Variants in KIF22 observed in about 807,000 individuals in gnomAD.
The protein encoded by KIF22 is kinesin-like protein KIF22.
A neutral mutation model predicts 73.0 loss-of-function variants in KIF22; 62 were observed. That is an observed-to-expected ratio of 0.85 (90% CI 0.69 to 1.05). The LOEUF (loss-of-function observed/expected upper bound fraction) is 1.05. KIF22 is among the 50% of genes least tolerant of loss of function. The pLI, the probability that KIF22 is intolerant of heterozygous loss-of-function variation, is 0.00. For missense variants in KIF22, 854 were observed against 870.1 expected, an observed-to-expected ratio of 0.98 and a Z score of 0.23; for synonymous variants, 411 against 340.1, an observed-to-expected ratio of 1.21 and a Z score of -2.29.
rs766761438 is a variant in KIF22 at position 29,799,040 on chromosome 16, C to G, written c.615C>G (p.Ile205Met). The G allele has an allele frequency of 1.9e-5, 31 of 1,614,210 alleles. 1 individual carries two copies. The South Asian group carries it at 3.3e-4, about 17-fold the overall frequency. The part of the protein sequence containing the change: ...LVIREDCRGN[I>M]LIPGLSQKPI... Reference sequence around the variant, plus strand: ...TCCGAGAAGACTGCCGGGGGAATATCCTGATTCCGGGTCTCTCCCAGAAGC... The same window carrying G: ...TCCGAGAAGACTGCCGGGGGAATATGCTGATTCCGGGTCTCTCCCAGAAGC... The change falls in exon 5 of 14, where the codon ATC becomes ATG. Residue 205 changes from isoleucine (I) to methionine (M), a missense_variant. Physicochemically the swap from Ile to Met is conservative, Grantham distance 10 (BLOSUM62 1). Around this residue, in one of 3 missense-constraint regions of KIF22, gnomAD observed 245 missense variants for 351.8 expected, o/e 0.70. Transcript: ENST00000160827.
intron 8 of KIF22, among the ~76,000 whole-genome samples, chr16:29,801,843 A>G (rs964207064): frequency 2.0e-5 from 3 of 152,212 alleles, no homozygotes; most frequent in African/African-American, 7.2e-5. Flanking sequence ...GAGCCAGTTC[A>G]CAGCATAGGA....
At chr16:29,804,207 C>T in intron 11 of KIF22, 142 bp downstream of exon 11, 1 of 708,806 alleles carries the variant, frequency 1.4e-6, no homozygotes, top group Non-Finnish European at 2.5e-6. Flanking sequence ...TTGCTTACCC[C>T]TGGAATGTGG....
At chr16:29,804,123 C>T (rs1350957673) in intron 11 of KIF22, 58 bp downstream of exon 11, 12 of 1,394,952 alleles carry the variant, frequency 8.6e-6, no homozygotes, top group Non-Finnish European at 1.2e-5. Context: ...GGGGAGTAGG[C>T]TCTAGGGGGA....
rs1222819548 is a variant in KIF22 at position 29,798,958 on chromosome 16, C to T, written c.550-17C>T. 1 of 1,612,476 alleles carries T rather than the reference C, an allele frequency of 6.2e-7. No individual in the cohort carries two copies. Among genetic ancestry groups the T allele is most frequent in the Admixed American group, 1.7e-5 (1 of 60,030 alleles). On this transcript the variant is annotated splice_polypyrimidine_tract_variant and intron_variant, in intron 4 of 13. Transcript: ENST00000160827. This position sits in a 1 kb window ranked among gnomAD's most constrained non-coding sequence, Gnocchi z 4.1. ...CTCTCTATGGAGAATTGCCCTTCCC[C>T]TTCACTGCTTACACAGGTATTAGAC... is the stretch of plus-strand genomic sequence containing the variant.
rs770629473 is a variant in KIF22 at position 29,805,374 on chromosome 16, T to G, written c.*64T>G. ...AACCCCGTGTTGTGTAAATACAGTT[T>G]TTGCTCCGGTGCTTCCGCCTGATTT... On this transcript the variant is annotated 3_prime_UTR_variant, in exon 14 of 14. Coordinates refer to ENST00000160827, the MANE Select transcript of KIF22 (RefSeq NM_007317.3). 55 of 1,540,212 alleles carry G rather than the reference T, an allele frequency of 3.6e-5. No individual in the cohort carries two copies. Among genetic ancestry groups the G allele is most frequent in the Non-Finnish European group, 4.7e-5 (53 of 1,125,032 alleles).
chr16:29,805,361 T>C lies in KIF22; in HGVS notation c.*51T>C. The C allele has an allele frequency of 7.6e-6, 12 of 1,579,476 alleles. No individual in the cohort carries two copies. Among genetic ancestry groups the C allele is most frequent in the Non-Finnish European group, 1.0e-5 (12 of 1,157,140 alleles). ...CAAATTTTTGTATAACCCCGTGTTG[T>C]GTAAATACAGTTTTTGCTCCGGTGC... On this transcript the variant is annotated 3_prime_UTR_variant, in exon 14 of 14. Coordinates refer to ENST00000160827, the MANE Select transcript of KIF22 (RefSeq NM_007317.3).
At chr16:29,803,251 G>C (rs1055318044) in intron 9 of KIF22, 198 bp from the exon 10 acceptor site, 6 of 649,334 alleles carry the variant, frequency 9.2e-6, no homozygotes, top group African/African-American at 7.3e-5. Context: ...GCAGAGGCTT[G>C]TTCCACCTCT....
rs1214966657 is a variant in KIF22 at position 29,805,269 on chromosome 16, A to G, written c.1957A>G (p.Ile653Val). 5 of 1,613,898 alleles carry G rather than the reference A, an allele frequency of 3.1e-6. No homozygotes were observed. The African/African-American group carries it at 5.3e-5, about 17-fold the overall frequency. Residue 653 changes from isoleucine (I) to valine (V), a missense_variant, in exon 14 of 14, where the codon ATC becomes GTC. Coordinates refer to ENST00000160827, the MANE Select transcript of KIF22 (RefSeq NM_007317.3). ...KQMESFLKAN[I>V]LGLAAGQRCG... is the part of the protein sequence containing the mutation. ...CCTCCCTCCTGTGTTGCAGGCAAAC[A>G]TCCTGGGTCTCGCCGCCGGCCAGCG...
chr16:29,804,607 CTG>C (rs1190786662), intron 11 of KIF22: 1 of 696,352 alleles, frequency 1.4e-6, no homozygotes, highest in Admixed American at 2.0e-5. Context: ...AATATTACCA[CTG>C]GGTACTGAGT....
At chr16:29,805,220 G>C (rs376164567) in intron 13 of KIF22, 43 bp from the exon 14 acceptor site, 1 of 1,613,968 alleles carries the variant, frequency 6.2e-7, no homozygotes, top group African/African-American at 1.3e-5. Context: ...TGCGCCCCGC[G>C]CCCCTCTCTA....
At chr16:29,799,524 G>T in intron 6 of KIF22, 30 bp downstream of exon 6, 1 of 1,612,818 alleles carries the variant, frequency 6.2e-7, no homozygotes, top group Non-Finnish European at 8.5e-7. Context: ...GGGAAGAAGG[G>T]GCTGCAGAAG....
At chr16:29,802,375 C>T (rs528303310) in intron 8 of KIF22, among the ~76,000 whole-genome samples, 4 of 151,726 alleles carry the variant, frequency 2.6e-5, no homozygotes, top group Non-Finnish European at 5.9e-5. Flanking sequence ...GGAAGCTTGG[C>T]AGCTGAGGTC....
intron 1 of KIF22, among the ~76,000 whole-genome samples, chr16:29,796,551 TC>T (rs1898955950): frequency 6.7e-6 from 1 of 150,336 alleles, no homozygotes; most frequent in Non-Finnish European, 1.5e-5. Context: ...CCTCTCTCTC[TC>T]TTTTTTTTTT....
chr16:29,796,865 T>C (rs1402006446), intron 1 of KIF22, 28 bp from the exon 2 acceptor site: 2 of 1,610,804 alleles, frequency 1.2e-6, no homozygotes, highest in East Asian at 4.5e-5. Flanking sequence ...CCATACTTCA[T>C]GTCTAAAAGT....
At chr16:29,796,284 A>AAAAAC (rs1410758267) in intron 1 of KIF22, among the ~76,000 whole-genome samples, 1,810 of 146,430 alleles carry the variant, frequency 0.012, 22 homozygotes, top group Middle Eastern at 0.035. Flanking sequence ...AAAAAAAAAA[A>AAAAAC]ACACACACAC....
chr16:29,790,854 G>A, intron 1 of KIF22, 25 bp downstream of exon 1: 3 of 1,587,258 alleles, frequency 1.9e-6, no homozygotes, highest in South Asian at 2.3e-5. Flanking sequence ...CCTGGGCAAG[G>A]CGGGTACCGA....
Position 29,799,694 on chromosome 16 carries a change from C to A in KIF22, c.1057C>A (p.Leu353Ile). The A allele has an allele frequency of 6.2e-7, 1 of 1,613,966 alleles. No homozygotes were observed. The highest frequency in any genetic ancestry group is 8.5e-7 in the Non-Finnish European group (1 of 1,179,954). ...CATTGCCCCTGAGAGACGCTTCTAC[C>A]TAGACACAGTCTCCGCACTCAACTT... Reference protein sequence around the residue: ...ANIAPERRFYLDTVSALNFAA... With the variant: ...ANIAPERRFYIDTVSALNFAA... Residue 353 changes from leucine to isoleucine, a missense_variant, in exon 7 of 14, where the codon CTA becomes ATA. Transcript: ENST00000160827.
At chr16:29,792,375 C>G (rs1898840465) in intron 1 of KIF22, 3 of 981,828 alleles carry the variant, frequency 3.1e-6, no homozygotes. Flanking sequence ...ACTGTGAGCC[C>G]TGGGGCAGGA....
chr16:29,801,991 G>A (rs1025721140), intron 8 of KIF22, among the ~76,000 whole-genome samples: 10 of 152,154 alleles, frequency 6.6e-5, no homozygotes, highest in Non-Finnish European at 2.9e-5. Flanking sequence ...TGCTGACTGG[G>A]CGCAGTGGCT....
Sources: gnomAD v4.1 joint callset for allele counts (sites outside exome capture counted in the v4.1 genomes callset) on GRCh38, gnomAD v4.1.1 for gene constraint, gnomAD v4.1.1 regional missense constraint, Gnocchi (gnomAD v3.1) non-coding constraint, MANE v1.5 for transcripts, NCBI Gene and HGNC (gene_info 2026-07-23, HGNC 2026-07-21) for gene names.